The following DNAH10 variants were observed in gnomAD, a reference collection of about 807,000 sequenced individuals.
DNAH10 encodes dynein axonemal heavy chain 10, also known as axonemal beta dynein heavy chain 10.
Under a neutral mutation model 506.6 loss-of-function variants are expected in DNAH10, and 348 were observed. The observed-to-expected ratio is 0.69, with a 90% CI of 0.63 to 0.75. The LOEUF (loss-of-function observed/expected upper bound fraction) is 0.75. DNAH10 is among the 30% of genes least tolerant of loss of function. The pLI is 0.00. For missense variants in DNAH10, 5,179 were observed against 5,787.1 expected (o/e 0.89, Z 3.41); for synonymous variants, 2,059 against 2,198.6 (o/e 0.94, Z 1.78).
At chr12:123,867,846 A>T in intron 42 of DNAH10, 57 bp from the exon 43 acceptor site, 1 of 1,540,272 alleles carries the variant, frequency 6.5e-7, no homozygotes. Context: ...TATGACTGGA[A>T]TGGACTCTGT....
At chr12:123,813,995 C>T in intron 21 of DNAH10, 83 bp downstream of exon 21, 1 of 1,307,092 alleles carries the variant, frequency 7.7e-7, no homozygotes, top group Non-Finnish European at 1.0e-6. Flanking sequence ...CTCAAGTATA[C>T]TGCCATTGAT....
chr12:123,785,639 A>C lies in DNAH10; in HGVS notation c.1231-107A>C. 2.4e-5 allele frequency: 14 copies of C among 591,474 alleles called. No individual in the cohort carries two copies. Among genetic ancestry groups the C allele is most frequent in the Non-Finnish European group, 3.2e-5 (14 of 443,582 alleles). The allele number at this position is 591,474 out of a possible 1,614,324, so 36.6% of individuals were successfully genotyped here. On this transcript the variant is annotated intron_variant, in intron 8 of 78. Coordinates refer to ENST00000673944, the MANE Select transcript of DNAH10 (RefSeq NM_001372106.1). The surrounding 1 kb of genome is among the most constrained non-coding windows in gnomAD (Gnocchi z 4.1). ...GGGCACCAGACTTGGTCTCAAGGAAAAAAAAAAAAAAAAAAGAGTGAAACT... is the reference window on the plus strand; with the variant it reads ...GGGCACCAGACTTGGTCTCAAGGAACAAAAAAAAAAAAAAAGAGTGAAACT...
Position 123,853,902 on chromosome 12 carries a change from G to C in DNAH10, c.6438+550G>C, listed in dbSNP as rs950350014. On this transcript the variant is annotated intron_variant, in intron 36 of 78. Coordinates refer to ENST00000673944, the MANE Select transcript of DNAH10 (RefSeq NM_001372106.1). This position sits in a 1 kb window ranked among gnomAD's most constrained non-coding sequence, Gnocchi z 4.7. Reference sequence around the variant, plus strand: ...CATGCACGCGCACACACGTACGCACGCACATGTACACATACGCACACGCAC... The same window carrying C: ...CATGCACGCGCACACACGTACGCACCCACATGTACACATACGCACACGCAC... Among the ~76,000 whole-genome samples, 2 of 147,690 alleles carry C rather than the reference G, an allele frequency of 1.4e-5. No homozygotes were observed. The highest frequency in any genetic ancestry group is 4.0e-4 in the East Asian group (2 of 5,028).
intron 19 of DNAH10, among the ~76,000 whole-genome samples, chr12:123,810,390 T>C (rs559255372): frequency 5.3e-5 from 8 of 152,104 alleles, no homozygotes; most frequent in Admixed American, 2.0e-4. Context: ...TACTTAAAAA[T>C]TGATGAATAA....
Position 123,781,251 on chromosome 12 carries a change from G to A in DNAH10, c.793G>A (p.Val265Met), listed in dbSNP as rs781746228. The change falls in exon 6 of 79, where the codon GTG becomes ATG. Residue 265 changes from valine (V) to methionine (M), a missense_variant. Val to Met is a conservative substitution (Grantham distance 21). Around this residue, in one of 3 missense-constraint regions of DNAH10, gnomAD observed 9 missense variants for 25.8 expected, o/e 0.35. Coordinates refer to ENST00000673944, the MANE Select transcript of DNAH10 (RefSeq NM_001372106.1). ...AATACGGGATGAATTTTTAATGAAC[G>A]TGCAGAAATTTGCAAGTAATATTCA... ...QLIRDEFLMN[V>M]QKFASNIQRT... 12 of 1,613,616 alleles carry A rather than the reference G, an allele frequency of 7.4e-6. 1 individual carries two copies. The highest frequency in any genetic ancestry group is 5.5e-5 in the South Asian group (5 of 90,914).
intron 46 of DNAH10, among the ~76,000 whole-genome samples, chr12:123,875,029 C>A (rs1018431323): frequency 1.3e-5 from 2 of 152,110 alleles, no homozygotes; most frequent in African/African-American, 4.8e-5. Flanking sequence ...GCTGTAGTAT[C>A]GTAAGGGAGA....
In DNAH10 at chr12:123,846,750, T is replaced by A. The variant is rs1950963462; in HGVS notation, c.5814+596T>A. ...CTCAAGTGATCCTCCCACCTTGGCC[T>A]CCTGAGTAGCTAGGACTATAGCATT... On this transcript the variant is annotated intron_variant, in intron 32 of 78. Transcript: ENST00000673944. The surrounding 1 kb of genome is among the most constrained non-coding windows in gnomAD (Gnocchi z 4.5). 6.6e-6 allele frequency among the ~76,000 whole-genome samples: 1 copy of A among 152,122 alleles called. No individual in the cohort carries two copies. Among genetic ancestry groups the A allele is most frequent in the Non-Finnish European group, 1.5e-5 (1 of 68,024 alleles).
At chr12:123,878,301 G>A (rs1952350329) in intron 48 of DNAH10, among the ~76,000 whole-genome samples, 1 of 152,190 alleles carries the variant, frequency 6.6e-6, no homozygotes, top group African/African-American at 2.4e-5. Flanking sequence ...AAGGATTTAA[G>A]TCACGATATA....
At chr12:123,838,224 C>T (rs1467671584) in intron 28 of DNAH10, among the ~76,000 whole-genome samples, 5 of 151,966 alleles carry the variant, frequency 3.3e-5, no homozygotes, top group East Asian at 1.9e-4. Flanking sequence ...TACGGGATAA[C>T]GAAAAGAAAA....
chr12:123,930,779 T>TTC (rs1955168455), intron 73 of DNAH10, among the ~76,000 whole-genome samples: 4 of 152,172 alleles, frequency 2.6e-5, no homozygotes, highest in Non-Finnish European at 4.4e-5. Flanking sequence ...GGTAAATAAA[T>TTC]CAGGTTCCAC....
At chr12:123,871,947 G>A (rs1289097781) in intron 45 of DNAH10, among the ~76,000 whole-genome samples, 1 of 152,224 alleles carries the variant, frequency 6.6e-6, no homozygotes, top group African/African-American at 2.4e-5. Context: ...AGATGGCAAA[G>A]CAGATGCTAT....
intron 25 of DNAH10, among the ~76,000 whole-genome samples, chr12:123,829,970 C>T (rs559849173): frequency 1.3e-5 from 2 of 152,188 alleles, no homozygotes; most frequent in Non-Finnish European, 1.5e-5. Flanking sequence ...GAATGGGCCC[C>T]TTCATACCTC....
At chr12:123,832,393 A>T (rs913148658) in intron 26 of DNAH10, among the ~76,000 whole-genome samples, 1 of 152,256 alleles carries the variant, frequency 6.6e-6, no homozygotes, top group African/African-American at 2.4e-5. Flanking sequence ...ACAGGTACAC[A>T]TAGTATATAC....
In DNAH10 at chr12:123,833,211, T is replaced by C. The variant is rs764299939; in HGVS notation, c.4643T>C (p.Val1548Ala). The stretch of plus-strand genomic sequence containing the variant: ...GAGCGAGGCTACATCCTGGGTTCTG[T>C]TGACGAAATTATTCAGTCTCTTGAT... Reference protein sequence around the residue: ...TQERGYILGSVDEIIQSLDDN... With the variant: ...TQERGYILGSADEIIQSLDDN... The change falls in exon 27 of 79, where the codon GTT becomes GCT. Residue 1548 changes from valine to alanine, a missense_variant. This residue lies in a region of DNAH10 where 4,844 missense variants were observed against 5,430.5 expected (regional missense o/e 0.89). Coordinates refer to ENST00000673944, the MANE Select transcript of DNAH10 (RefSeq NM_001372106.1). The C allele has an allele frequency of 1.9e-6, 3 of 1,613,794 alleles. No homozygotes were observed. Among genetic ancestry groups the C allele is most frequent in the South Asian group, 2.2e-5 (2 of 91,022 alleles).
rs1317889825 is a variant in DNAH10 at position 123,933,531 on chromosome 12, G to A, written c.13477+20G>A. On this transcript the variant is annotated intron_variant, in intron 77 of 78. Transcript: ENST00000673944. ...GACAAGGTACCGTCAGCTCGTTAGG[G>A]ATCCACAGCCTCTCACTTAGGATTT... is the stretch of plus-strand genomic sequence containing the variant. 1 of 1,566,946 alleles carries A rather than the reference G, an allele frequency of 6.4e-7. No homozygotes were observed. Among genetic ancestry groups the A allele is most frequent in the Non-Finnish European group, 8.7e-7 (1 of 1,151,692 alleles).
chr12:123,857,364 C>T, intron 37 of DNAH10, 117 bp downstream of exon 37: 1 of 837,860 alleles, frequency 1.2e-6, no homozygotes, highest in Non-Finnish European at 1.7e-6. Flanking sequence ...ACCATCTTAA[C>T]CATTTTTCCC....
intron 18 of DNAH10, among the ~76,000 whole-genome samples, chr12:123,806,145 C>T (rs549999694): frequency 6.6e-6 from 1 of 152,286 alleles, no homozygotes; most frequent in Admixed American, 6.5e-5. Context: ...GTGATACGGA[C>T]TCTATGGATT....
In DNAH10 at chr12:123,870,360, C is replaced by T. The variant is rs763340085; in HGVS notation, c.7520-6C>T. 2 of 1,611,992 alleles carry T rather than the reference C, an allele frequency of 1.2e-6. No individual in the cohort carries two copies. The highest frequency in any genetic ancestry group is 1.7e-6 in the Non-Finnish European group (2 of 1,179,134). ...TTCAAGTGAAATCAACCATGATTTC[C>T]TGCAGGTCAACTTCCAACCTTGTAT... On this transcript the variant is annotated splice_polypyrimidine_tract_variant and splice_region_variant and intron_variant, in intron 43 of 78. Coordinates refer to ENST00000673944, the MANE Select transcript of DNAH10 (RefSeq NM_001372106.1).
chr12:123,771,401 C>G (rs892578259), intron 2 of DNAH10, among the ~76,000 whole-genome samples, 200 bp from the exon 3 acceptor site: 5 of 152,156 alleles, frequency 3.3e-5, no homozygotes, highest in African/African-American at 1.2e-4. Context: ...GACACCCTGT[C>G]AAAAACGAAA....
Sources: gnomAD v4.1 joint callset for allele counts (sites outside exome capture counted in the v4.1 genomes callset) on GRCh38, gnomAD v4.1.1 for gene constraint, gnomAD v4.1.1 regional missense constraint, Gnocchi (gnomAD v3.1) non-coding constraint, MANE v1.5 for transcripts, NCBI Gene and HGNC (gene_info 2026-07-23, HGNC 2026-07-21) for gene names.